Variants in EXOC6B observed in about 807,000 individuals in gnomAD.
The protein encoded by EXOC6B is SEC15 homolog B.
Under a neutral mutation model 113.5 loss-of-function variants are expected in EXOC6B, and 54 were observed. The ratio of observed to expected loss-of-function variants is 0.48; its 90% CI spans 0.38 to 0.60. The LOEUF is 0.60. Among genes scored for constraint, EXOC6B ranks in the 20% least tolerant of loss-of-function variants. The pLI, the probability that EXOC6B is intolerant of heterozygous loss-of-function variation, is 0.00. For missense variants in EXOC6B, 797 were observed against 977.5 expected, an observed-to-expected ratio of 0.82 and a Z score of 2.46; for synonymous variants, 357 against 339.0, an observed-to-expected ratio of 1.05 and a Z score of -0.58.
chr2:72,730,988 G>T lies in EXOC6B; in HGVS notation c.464+19C>A. The T allele has an allele frequency of 1.3e-6, 2 of 1,510,464 alleles. No homozygotes were observed. The highest frequency in any genetic ancestry group is 1.8e-6 in the Non-Finnish European group (2 of 1,128,786). 93.6% of individuals were successfully genotyped at this position (1,510,464 alleles called of 1,614,324 possible). Reference sequence around the variant, plus strand: ...AAATTTTAGATAGTAAAAACTGTTCGATTAAAAAAAAATCTTACCTTTTAG... The same window carrying T: ...AAATTTTAGATAGTAAAAACTGTTCTATTAAAAAAAAATCTTACCTTTTAG... On this transcript the variant is annotated intron_variant, in intron 5 of 21. Coordinates refer to ENST00000272427, the MANE Select transcript of EXOC6B (RefSeq NM_015189.3).
chr2:72,671,926 AAG>A (rs1351521991), intron 6 of EXOC6B, among the ~76,000 whole-genome samples: 1 of 151,934 alleles, frequency 6.6e-6, no homozygotes, highest in African/African-American at 2.4e-5. Context: ...AAAAGAAAGA[AAG>A]AGAAAGAAAA....
chr2:72,457,712 T>A (rs943533851), intron 18 of EXOC6B, among the ~76,000 whole-genome samples: 1 of 152,000 alleles, frequency 6.6e-6, no homozygotes, highest in Admixed American at 6.6e-5. Flanking sequence ...TGAAAAAAAA[T>A]GTCTGTGTAC....
At chr2:72,794,767 A>T (rs1290453815) in intron 1 of EXOC6B, among the ~76,000 whole-genome samples, 1 of 152,236 alleles carries the variant, frequency 6.6e-6, no homozygotes, top group African/African-American at 2.4e-5. Flanking sequence ...ACAGAAATAC[A>T]TAAAATAGGA....
chr2:72,736,432 CTAGG>C (rs1486377353), intron 2 of EXOC6B, among the ~76,000 whole-genome samples: 1 of 151,950 alleles, frequency 6.6e-6, no homozygotes, highest in Non-Finnish European at 1.5e-5. Flanking sequence ...TTCATTGAAC[CTAGG>C]TCAAATGAAT....
In EXOC6B at chr2:72,184,154, T is replaced by C. The variant is rs1402324827; in HGVS notation, c.2230A>G (p.Thr744Ala). The change falls in exon 21 of 22, where the codon ACC (threonine) becomes GCC (alanine). Residue 744 changes from threonine to alanine, a missense_variant. Physicochemically the swap from Thr to Ala is moderately conservative, Grantham distance 58 (BLOSUM62 0). Transcript: ENST00000272427. Reference protein sequence around the residue: ...LDLFIQWDWSTYLADYGQPNC... With the variant: ...LDLFIQWDWSAYLADYGQPNC... ...GGCTGACCATAGTCAGCAAGGTAGG[T>C]TGACCAATCCCACTGGATGAAAAGA... 2.6e-6 allele frequency: 4 copies of C among 1,559,692 alleles called. No homozygotes were observed. The highest frequency in any genetic ancestry group is 1.9e-5 in the Admixed American group (1 of 51,850).
chr2:72,730,572 A>C (rs1390475430), intron 5 of EXOC6B, among the ~76,000 whole-genome samples: 1 of 102,768 alleles, frequency 9.7e-6, no homozygotes, highest in Non-Finnish European at 2.0e-5. Flanking sequence ...GTAGGTAAAC[A>C]GACAGAGACA....
chr2:72,406,435 C>T (rs6729906), intron 18 of EXOC6B, among the ~76,000 whole-genome samples: 30,242 of 151,758 alleles, frequency 0.2, 5,557 homozygotes, highest in African/African-American at 0.49. Flanking sequence ...TATTCCAAAA[C>T]TGACCACATA....
chr2:72,460,788 C>T (rs62149326), intron 18 of EXOC6B, among the ~76,000 whole-genome samples: 3 of 151,752 alleles, frequency 2.0e-5, no homozygotes, highest in African/African-American at 7.3e-5. Context: ...ACCATTGTGG[C>T]AGTCAGTGTG....
intron 8 of EXOC6B, among the ~76,000 whole-genome samples, chr2:72,516,316 C>T (rs960920030): frequency 1.3e-5 from 2 of 152,158 alleles, no homozygotes; most frequent in Admixed American, 6.5e-5. Flanking sequence ...GGCACAGTCT[C>T]GGCTCACTGC....
At chr2:72,701,137 G>A (rs1678304868) in intron 6 of EXOC6B, among the ~76,000 whole-genome samples, 2 of 151,594 alleles carry the variant, frequency 1.3e-5, no homozygotes, top group South Asian at 4.2e-4. Flanking sequence ...AGGTCAAGGA[G>A]ATCAAGACCA....
At chr2:72,377,402 T>G (rs1476154760) in intron 19 of EXOC6B, among the ~76,000 whole-genome samples, 1 of 152,162 alleles carries the variant, frequency 6.6e-6, no homozygotes, top group African/African-American at 2.4e-5. Flanking sequence ...ATATCTGCAC[T>G]CCTATGTTCA....
At position 72,546,333 on chromosome 2, in the gene EXOC6B, T is replaced by C. The variant is rs188704538; in HGVS notation, c.915+13120A>G. ...ACGTGGTGGCACGTGCCTGTAATTCTAGCTACTAGGGAGGCTGAGGCAGGA... is the reference window on the plus strand; with the variant it reads ...ACGTGGTGGCACGTGCCTGTAATTCCAGCTACTAGGGAGGCTGAGGCAGGA... On this transcript the variant is annotated intron_variant, in intron 8 of 21. Coordinates refer to ENST00000272427, the MANE Select transcript of EXOC6B (RefSeq NM_015189.3). 6.6e-5 allele frequency among the ~76,000 whole-genome samples: 10 copies of C among 152,162 alleles called. No homozygotes were observed. In the East Asian group the frequency reaches 1.7e-3, roughly 27 times the overall value.
chr2:72,185,506 A>G (rs1243716627), intron 20 of EXOC6B, among the ~76,000 whole-genome samples: 1 of 152,234 alleles, frequency 6.6e-6, no homozygotes, highest in African/African-American at 2.4e-5. Flanking sequence ...CTATACCCTC[A>G]GCCAAGAAAG....
At chr2:72,300,827 C>T (rs1573214158) in intron 20 of EXOC6B, among the ~76,000 whole-genome samples, 1 of 152,168 alleles carries the variant, frequency 6.6e-6, no homozygotes, top group South Asian at 2.1e-4. Context: ...CGATGCCCCA[C>T]CCTGCTTCAA....
chr2:72,549,442 T>A (rs1703092510), intron 8 of EXOC6B, among the ~76,000 whole-genome samples: 1 of 152,142 alleles, frequency 6.6e-6, no homozygotes, highest in South Asian at 2.1e-4. Flanking sequence ...TAAAACTGTA[T>A]TTAGGAAATA....
In EXOC6B at chr2:72,482,807, C is replaced by A. The variant is rs1231652345; in HGVS notation, c.1666-2057G>T. Among the ~76,000 whole-genome samples, 4 of 152,132 alleles carry A rather than the reference C, an allele frequency of 2.6e-5. No individual in the cohort carries two copies. The South Asian group carries it at 6.2e-4, about 24-fold the overall frequency. ...CTGGTTTCAACTAAGAAAAAGTGTA[C>A]CTTCTACTCCACTAAGGATCATCCT... On this transcript the variant is annotated intron_variant, in intron 16 of 21. Transcript: ENST00000272427.
chr2:72,227,701 G>A lies in EXOC6B; in HGVS notation c.2197-43514C>T, dbSNP rs1681333416. 1.3e-5 allele frequency among the ~76,000 whole-genome samples: 2 copies of A among 152,214 alleles called. 1 individual carries two copies. Among genetic ancestry groups the A allele is most frequent in the East Asian group, 3.9e-4 (2 of 5,182 alleles). ...ATTTACAAATATTGGCCACAAAGAT[G>A]CTATAAAGCAAACCTTAATAAATAC... On this transcript the variant is annotated intron_variant, in intron 20 of 21. Coordinates refer to ENST00000272427, the MANE Select transcript of EXOC6B (RefSeq NM_015189.3).
At chr2:72,549,435 A>C (rs986838127) in intron 8 of EXOC6B, among the ~76,000 whole-genome samples, 5 of 152,172 alleles carry the variant, frequency 3.3e-5, no homozygotes, top group African/African-American at 1.2e-4. Context: ...GATGGAGTAA[A>C]ACTGTATTTA....
intron 1 of EXOC6B, among the ~76,000 whole-genome samples, chr2:72,784,375 T>A (rs1684252068): frequency 6.6e-6 from 1 of 152,238 alleles, no homozygotes; most frequent in African/African-American, 2.4e-5. Flanking sequence ...TCTATTTATA[T>A]GAAAAATGAC....
Sources: allele counts gnomAD v4.1 joint callset (sites outside exome capture counted in the v4.1 genomes callset), GRCh38; gene constraint gnomAD v4.1.1; transcripts MANE v1.5; gene names NCBI Gene and HGNC (gene_info 2026-07-23, HGNC 2026-07-21).